Variants in ZC3H12B observed in about 807,000 individuals in gnomAD.
The protein encoded by ZC3H12B is zinc finger CCCH-type containing 12B.
In ZC3H12B, 7 loss-of-function variants were observed where a neutral mutation model predicts 43.9. The observed-to-expected ratio is 0.16, with a 90% CI of 0.09 to 0.30. The LOEUF (loss-of-function observed/expected upper bound fraction) is 0.30, where lower values mean the gene tolerates loss of function less well. Among genes scored for constraint, ZC3H12B ranks in the 10% least tolerant of loss-of-function variants. ZC3H12B has a pLI of 1.00. For synonymous variants in ZC3H12B, 222 were observed against 241.7 expected (o/e 0.92, Z 0.76); for missense variants, 475 against 670.2 (o/e 0.71, Z 3.22).
chrX:65,382,739 A>C (rs2066461423), intron 2 of ZC3H12B, among the ~76,000 whole-genome samples: 4 of 111,954 alleles, frequency 3.6e-5, no homozygotes, highest in South Asian at 3.7e-4. Flanking sequence ...TAAGCTGATA[A>C]GCAACTTCAG....
the ZC3H12B span, among the ~76,000 whole-genome samples, chrX:65,153,461 C>CA: frequency 8.9e-6 from 1 of 111,930 alleles, no homozygotes; most frequent in Admixed American, 9.5e-5. Context: ...TTTATGCAGC[C>CA]AAAAAACACA....
At chrX:65,129,099 T>G in the ZC3H12B span, among the ~76,000 whole-genome samples, 1 of 110,650 alleles carries the variant, frequency 9.0e-6, no homozygotes, top group Non-Finnish European at 1.9e-5. Flanking sequence ...CTTCAGAATA[T>G]TCTTTGTTTC....
intron 3 of ZC3H12B, among the ~76,000 whole-genome samples, chrX:65,432,717 A>G (rs1461254542): frequency 8.9e-6 from 1 of 112,307 alleles, no homozygotes; most frequent in Non-Finnish European, 1.9e-5. Context: ...GCAACAATGT[A>G]TCCTTTACCT....
intron 3 of ZC3H12B, among the ~76,000 whole-genome samples, chrX:65,400,911 T>A (rs1298836633): frequency 9.0e-6 from 1 of 111,404 alleles, no homozygotes; most frequent in Non-Finnish European, 1.9e-5. Context: ...CAGTACTCAG[T>A]ATAGGTGTTT....
At chrX:65,134,909 G>A in the ZC3H12B span, among the ~76,000 whole-genome samples, 3 of 110,917 alleles carry the variant, frequency 2.7e-5, no homozygotes, top group African/African-American at 3.3e-5. Context: ...GGCAGGGGCG[G>A]GAATCACAAG....
the ZC3H12B span, among the ~76,000 whole-genome samples, chrX:65,259,151 C>T: frequency 9.0e-6 from 1 of 111,710 alleles, no homozygotes; most frequent in Admixed American, 9.5e-5. Context: ...TCACAGTGCC[C>T]AATGTCAAAC....
At chrX:65,046,713 G>A in the ZC3H12B span, among the ~76,000 whole-genome samples, 1 of 111,752 alleles carries the variant, frequency 8.9e-6, no homozygotes, top group Non-Finnish European at 1.9e-5. Context: ...TGGCACAAGA[G>A]ACCTAGTTTT....
At chrX:65,292,994 A>G in the ZC3H12B span, among the ~76,000 whole-genome samples, 4 of 112,448 alleles carry the variant, frequency 3.6e-5, no homozygotes, top group Non-Finnish European at 7.5e-5. Flanking sequence ...AAAAAATACA[A>G]TAAAATAACA....
chrX:65,120,570 G>A, the ZC3H12B span, among the ~76,000 whole-genome samples: 1 of 111,436 alleles, frequency 9.0e-6, no homozygotes, highest in Non-Finnish European at 1.9e-5. Flanking sequence ...GGGTTTTCTA[G>A]ATATACAGTC....
chrX:65,222,063 G>A, the ZC3H12B span, among the ~76,000 whole-genome samples: 2 of 111,620 alleles, frequency 1.8e-5, no homozygotes, highest in Admixed American at 9.6e-5. Flanking sequence ...GTCAATAAAT[G>A]TAATACACCA....
intron 3 of ZC3H12B, among the ~76,000 whole-genome samples, chrX:65,412,835 T>C (rs1387971451): frequency 1.1e-5 from 1 of 89,248 alleles, no homozygotes; most frequent in Non-Finnish European, 1.9e-5. Context: ...AATTCTGTTT[T>C]GTTTTGTTTT....
At chrX:65,480,846 C>A (rs867443653) in intron 3 of ZC3H12B, among the ~76,000 whole-genome samples, 173 of 67,993 alleles carry the variant, frequency 2.5e-3, no homozygotes, top group African/African-American at 2.6e-3. Flanking sequence ...AACTCTGACT[C>A]AAAAAAAAAA....
chrX:65,336,887 A>G, the ZC3H12B span, among the ~76,000 whole-genome samples: 3 of 112,472 alleles, frequency 2.7e-5, no homozygotes, highest in African/African-American at 9.7e-5. Context: ...ATCCACAGAC[A>G]TCAGCAAAGA....
the ZC3H12B span, among the ~76,000 whole-genome samples, chrX:65,189,015 C>T: frequency 1.1e-5 from 1 of 93,149 alleles, no homozygotes; most frequent in Non-Finnish European, 2.1e-5. Flanking sequence ...TCTCATTGTT[C>T]AATTCTCACC....
chrX:65,387,321 T>A (rs2066541861), intron 2 of ZC3H12B, among the ~76,000 whole-genome samples: 2 of 111,987 alleles, frequency 1.8e-5, no homozygotes, highest in South Asian at 7.5e-4. Flanking sequence ...TGAATCTGGG[T>A]GCTCCTGTGT....
upstream of ZC3H12B, among the ~76,000 whole-genome samples, chrX:65,365,194 C>T (rs915947778): frequency 2.7e-5 from 3 of 111,221 alleles, no homozygotes; most frequent in Non-Finnish European, 5.7e-5. Flanking sequence ...AAGCACACCT[C>T]ACCAAGCTCA....
rs1253229927 is a variant in ZC3H12B at position 65,415,013 on chromosome X, T to G, written n.407+16309T>G. Reference sequence around the variant, plus strand: ...TGTGGTTGGGCTACAGCTTGTTTTATACATTTTGGGAAGGCATAAGACATC... The same window carrying G: ...TGTGGTTGGGCTACAGCTTGTTTTAGACATTTTGGGAAGGCATAAGACATC... On this transcript the variant is annotated intron_variant and non_coding_transcript_variant, in intron 3 of 5. Coordinates refer to the ZC3H12B transcript ENST00000617377. Among the ~76,000 whole-genome samples, 3 of 112,500 alleles carry G rather than the reference T, an allele frequency of 2.7e-5. No homozygotes were observed. The East Asian group carries it at 8.4e-4, about 31-fold the overall frequency.
At chrX:65,145,723 A>G in the ZC3H12B span, among the ~76,000 whole-genome samples, 127 of 111,359 alleles carry the variant, frequency 1.1e-3, no homozygotes, top group African/African-American at 4.0e-3. Flanking sequence ...AGAAGAATGT[A>G]TATTTCCTTC....
chrX:65,152,573 T>C, the ZC3H12B span, among the ~76,000 whole-genome samples: 2 of 110,707 alleles, frequency 1.8e-5, no homozygotes, highest in Non-Finnish European at 3.8e-5. Flanking sequence ...CACTGCTCAA[T>C]GAAATAAAAG....
Sources: allele counts gnomAD v4.1 joint callset (sites outside exome capture counted in the v4.1 genomes callset), GRCh38; gene constraint gnomAD v4.1.1; transcripts MANE v1.5; gene names NCBI Gene and HGNC (gene_info 2026-07-23, HGNC 2026-07-21).